Variants in ANKH observed in about 807,000 individuals in gnomAD.
ANKH encodes mineralization regulator ANKH.
Under a neutral mutation model 49.0 loss-of-function variants are expected in ANKH, and 15 were observed. The ratio of observed to expected loss-of-function variants is 0.31; its 90% CI spans 0.20 to 0.47. The LOEUF is 0.47. Among genes scored for constraint, ANKH ranks in the 20% least tolerant of loss-of-function variants. ANKH has a pLI of 1.00. For synonymous variants in ANKH, 273 were observed against 260.0 expected, an observed-to-expected ratio of 1.05 and a Z score of -0.48; for missense variants, 429 against 652.0, an observed-to-expected ratio of 0.66 and a Z score of 3.72.
intron 1 of ANKH, among the ~76,000 whole-genome samples, chr5:14,776,070 G>A (rs1343552075): frequency 6.6e-6 from 1 of 152,236 alleles, no homozygotes; most frequent in Non-Finnish European, 1.5e-5. Flanking sequence ...CCTGGCTCAT[G>A]CTTCCCACGT....
At chr5:14,771,921 G>GAAAAAAAAAA (rs869185652) in intron 1 of ANKH, among the ~76,000 whole-genome samples, 4 of 53,370 alleles carry the variant, frequency 7.5e-5, no homozygotes, top group East Asian at 6.4e-4. Context: ...CTCAAAAAAA[G>GAAAAAAAAAA]AAAAAAAAAA....
At chr5:14,820,590 C>T (rs947910478) in intron 1 of ANKH, among the ~76,000 whole-genome samples, 3 of 152,234 alleles carry the variant, frequency 2.0e-5, no homozygotes, top group Middle Eastern at 3.4e-3. Flanking sequence ...GCCAACGGCC[C>T]AACATCAAGG....
At chr5:14,776,952 C>T (rs1239069130) in intron 1 of ANKH, among the ~76,000 whole-genome samples, 3 of 152,238 alleles carry the variant, frequency 2.0e-5, no homozygotes, top group African/African-American at 7.2e-5. Context: ...CTTCTCTACA[C>T]AATGGGCACT....
chr5:14,739,253 C>G (rs1310712221), intron 8 of ANKH, among the ~76,000 whole-genome samples: 1 of 152,104 alleles, frequency 6.6e-6, no homozygotes. Context: ...CCCATCTCTA[C>G]TAAAAACACA....
intron 7 of ANKH, among the ~76,000 whole-genome samples, chr5:14,743,804 C>T (rs560207233): frequency 2.0e-5 from 3 of 152,126 alleles, no homozygotes; most frequent in Non-Finnish European, 2.9e-5. Context: ...GAGGTATGCT[C>T]GTTAAAGGAA....
At chr5:14,817,972 G>A (rs1741086710) in intron 1 of ANKH, among the ~76,000 whole-genome samples, 1 of 148,080 alleles carries the variant, frequency 6.8e-6, no homozygotes. Flanking sequence ...GCTGAGGCAT[G>A]AGAACTGCTT....
rs143588298 is a variant in ANKH at position 14,839,448 on chromosome 5, T to C, written c.96+31904A>G. Among the ~76,000 whole-genome samples the C allele has an allele frequency of 5.5e-3, 827 of 150,826 alleles. 10 individuals are homozygous for C. Among genetic ancestry groups the C allele is most frequent in the Non-Finnish European group, 5.8e-3 (392 of 67,864 alleles). ...TGATCTCTTCAAAGAAATGGTATCA[T>C]AATATATTCTGCCAAGCTGAGGCTA... On this transcript the variant is annotated intron_variant, in intron 1 of 11. Coordinates refer to ENST00000284268, the MANE Select transcript of ANKH (RefSeq NM_054027.6).
intron 1 of ANKH, among the ~76,000 whole-genome samples, chr5:14,838,292 G>A (rs1156506197): frequency 1.3e-5 from 2 of 150,836 alleles, no homozygotes; most frequent in Non-Finnish European, 1.5e-5. Flanking sequence ...GCTAAACGAC[G>A]AGTTAATGGG....
intron 1 of ANKH, among the ~76,000 whole-genome samples, chr5:14,789,455 TAAAA>T (rs35825962): frequency 1.6e-5 from 2 of 128,156 alleles, no homozygotes; most frequent in Non-Finnish European, 1.7e-5. Flanking sequence ...ATGGTGGTGA[TAAAA>T]AAAAAAAAAA....
intron 6 of ANKH, among the ~76,000 whole-genome samples, chr5:14,747,168 C>T (rs564559315): frequency 2.0e-5 from 3 of 152,304 alleles, no homozygotes; most frequent in African/African-American, 7.2e-5. Context: ...CCAACTCACT[C>T]CCAGTCTGTA....
chr5:14,779,346 A>G (rs1442342730), intron 1 of ANKH, among the ~76,000 whole-genome samples: 2 of 152,176 alleles, frequency 1.3e-5, no homozygotes, highest in African/African-American at 4.8e-5. Flanking sequence ...CCTAAAAAAG[A>G]AACCCTCTCT....
chr5:14,838,549 C>T (rs1023026685), intron 1 of ANKH, among the ~76,000 whole-genome samples: 4 of 152,080 alleles, frequency 2.6e-5, no homozygotes, highest in Admixed American at 6.5e-5. Flanking sequence ...GGGCCTGAAG[C>T]GGCAAAACCC....
intron 1 of ANKH, among the ~76,000 whole-genome samples, chr5:14,803,489 A>G (rs1416404629): frequency 6.6e-6 from 1 of 152,172 alleles, no homozygotes; most frequent in Non-Finnish European, 1.5e-5. Flanking sequence ...CATCTTGGCC[A>G]GGCTGGTCTC....
At chr5:14,762,736 G>C (rs1204139962) in intron 2 of ANKH, among the ~76,000 whole-genome samples, 2 of 152,002 alleles carry the variant, frequency 1.3e-5, no homozygotes, top group Admixed American at 6.6e-5. Flanking sequence ...GAGCTATTGG[G>C]GGGGTGGGGG....
chr5:14,810,938 T>C (rs1233633005), intron 1 of ANKH, among the ~76,000 whole-genome samples: 1 of 152,158 alleles, frequency 6.6e-6, no homozygotes, highest in Admixed American at 6.5e-5. Flanking sequence ...CTCATTTCCA[T>C]CGTGACAAAA....
chr5:14,860,230 G>A (rs1476819554), intron 1 of ANKH, among the ~76,000 whole-genome samples: 1 of 152,186 alleles, frequency 6.6e-6, no homozygotes, highest in Non-Finnish European at 1.5e-5. Flanking sequence ...GGTGAGGGAG[G>A]GACATTCGAA....
At position 14,799,038 on chromosome 5, in the gene ANKH, T is replaced by C. The variant is rs564745859; in HGVS notation, c.97-29847A>G. On this transcript the variant is annotated intron_variant, in intron 1 of 11. Transcript: ENST00000284268. ...AGTTCTTAAAGGAAATTAAAAAATG[T>C]TACTTGAGTGGATACAAGAATAATA... Among the ~76,000 whole-genome samples the C allele has an allele frequency of 2.0e-5, 3 of 152,362 alleles. No homozygotes were observed. The South Asian group carries it at 6.2e-4, about 32-fold the overall frequency.
chr5:14,774,573 G>C (rs1354796654), intron 1 of ANKH, among the ~76,000 whole-genome samples: 1 of 152,104 alleles, frequency 6.6e-6, no homozygotes, highest in Non-Finnish European at 1.5e-5. Flanking sequence ...GAGTAGCTAG[G>C]ATTACAGGCA....
At chr5:14,793,844 C>T (rs1426110497) in intron 1 of ANKH, among the ~76,000 whole-genome samples, 1 of 152,218 alleles carries the variant, frequency 6.6e-6, no homozygotes, top group African/African-American at 2.4e-5. Flanking sequence ...TCCTCTCCCT[C>T]TTCATTTGCT....
Sources: allele counts gnomAD v4.1 joint callset (sites outside exome capture counted in the v4.1 genomes callset), GRCh38; gene constraint gnomAD v4.1.1; transcripts MANE v1.5; gene names NCBI Gene and HGNC (gene_info 2026-07-23, HGNC 2026-07-21).